Variants in SNAP47 observed in about 807,000 individuals in gnomAD.
The protein encoded by SNAP47 is synaptosomal-associated protein 47.
SNAP47 carries 20 observed loss-of-function variants against 31.4 expected under a neutral mutation model. The ratio of observed to expected loss-of-function variants is 0.64; its 90% CI spans 0.45 to 0.93. SNAP47 has a LOEUF of 0.93. Among genes scored for constraint, SNAP47 ranks in the 40% least tolerant of loss-of-function variants. SNAP47 has a pLI of 0.00. For missense variants in SNAP47, 492 were observed against 528.5 expected, an observed-to-expected ratio of 0.93 and a Z score of 0.68; for synonymous variants, 194 against 213.4, an observed-to-expected ratio of 0.91 and a Z score of 0.79.
At chr1:227,735,956 C>T (rs1490452221) in intron 1 of SNAP47, among the ~76,000 whole-genome samples, 1 of 131,548 alleles carries the variant, frequency 7.6e-6, no homozygotes, top group Middle Eastern at 4.4e-3. Flanking sequence ...CTGGAGAGGA[C>T]GGTGGGGACC....
intron 4 of SNAP47, among the ~76,000 whole-genome samples, chr1:227,775,478 C>T (rs758539799): frequency 1.1e-4 from 17 of 152,266 alleles, no homozygotes; most frequent in Middle Eastern, 3.4e-3. Flanking sequence ...TCCGGCGTCG[C>T]GAGGCGAGCC....
intron 4 of SNAP47, among the ~76,000 whole-genome samples, chr1:227,767,345 A>G (rs1214483006): frequency 1.3e-5 from 2 of 152,138 alleles, no homozygotes; most frequent in Non-Finnish European, 2.9e-5. Context: ...CCTGGCTACC[A>G]CCTGCACCCA....
chr1:227,741,102 A>G lies in SNAP47; in HGVS notation c.-46+5603A>G, dbSNP rs1441093850. Among the ~76,000 whole-genome samples the G allele has an allele frequency of 6.6e-6, 1 of 151,286 alleles. No homozygotes were observed. Among genetic ancestry groups the G allele is most frequent in the Admixed American group, 6.6e-5 (1 of 15,200 alleles). The stretch of plus-strand genomic sequence containing the variant: ...TGATAGGGGAGGAGCTGATGGAAGG[A>G]ATGTGAAGTTCAAGTGCCTGTTAGG... On this transcript the variant is annotated intron_variant, in intron 1 of 4. Coordinates refer to ENST00000617596, the MANE Select transcript of SNAP47 (RefSeq NM_053052.4). This position sits in a 1 kb window ranked among gnomAD's most constrained non-coding sequence, Gnocchi z 4.2.
At chr1:227,732,461 C>T (rs137911301), upstream of SNAP47, 32 of 1,613,182 alleles carry the variant, frequency 2.0e-5, no homozygotes, top group African/African-American at 1.2e-4. Context: ...GTGGTGAGAA[C>T]GCGCTGGTGT....
At chr1:227,750,351 G>T (rs879477317) in intron 2 of SNAP47, among the ~76,000 whole-genome samples, 3 of 152,260 alleles carry the variant, frequency 2.0e-5, no homozygotes, top group African/African-American at 2.4e-5. Flanking sequence ...CAGGTTGCAC[G>T]GGGCCTGCCC....
chr1:227,733,820 A>T, upstream of SNAP47: 41 of 1,591,446 alleles, frequency 2.6e-5, no homozygotes, highest in Non-Finnish European at 3.5e-5. Context: ...GCCTGTGCCA[A>T]GCAGCCCCCC....
intron 4 of SNAP47, chr1:227,768,244 T>C: frequency 1.0e-6 from 1 of 984,538 alleles, no homozygotes; most frequent in Non-Finnish European, 1.2e-6. Flanking sequence ...CGTCTTCCCC[T>C]ACAGTTGATT....
At chr1:227,757,599 C>G (rs1662775688) in intron 2 of SNAP47, among the ~76,000 whole-genome samples, 1 of 152,110 alleles carries the variant, frequency 6.6e-6, no homozygotes, top group Admixed American at 6.5e-5. Flanking sequence ...TAATGTCTTC[C>G]CATTGATGTA....
At chr1:227,765,019 G>A (rs900263547) in intron 3 of SNAP47, among the ~76,000 whole-genome samples, 1 of 152,154 alleles carries the variant, frequency 6.6e-6, no homozygotes. Context: ...GACCAACCTA[G>A]GTGACATGCT....
rs374100600 is a variant in SNAP47 at position 227,759,705 on chromosome 1, C to A, written c.988+220C>A. 352 of 608,828 alleles carry A rather than the reference C, an allele frequency of 5.8e-4. 8 individuals carry two copies. In the South Asian group the frequency reaches 7.0e-3, roughly 12 times the overall value. The allele number at this position is 608,828 out of a possible 1,614,324, so 37.7% of individuals were successfully genotyped here. ...CTGAAATCACTGAGAGTTAACTGTACACTTGATAGGTGCGTGAATTCCAAA... is the reference window on the plus strand; with the variant it reads ...CTGAAATCACTGAGAGTTAACTGTAAACTTGATAGGTGCGTGAATTCCAAA... On this transcript the variant is annotated intron_variant, in intron 3 of 4. Coordinates refer to ENST00000617596, the MANE Select transcript of SNAP47 (RefSeq NM_053052.4).
At chr1:227,748,681 C>T (rs905293952) in intron 2 of SNAP47, among the ~76,000 whole-genome samples, 28 of 152,180 alleles carry the variant, frequency 1.8e-4, no homozygotes, top group Non-Finnish European at 2.9e-5. Context: ...TGAGGTGTCT[C>T]CTGTCAGCAT....
At position 227,741,480 on chromosome 1, in the gene SNAP47, A is replaced by G. The variant is rs1042647099; in HGVS notation, c.-46+5981A>G. Among the ~76,000 whole-genome samples the G allele has an allele frequency of 6.6e-6, 1 of 152,100 alleles. No individual in the cohort carries two copies. Among genetic ancestry groups the G allele is most frequent in the Non-Finnish European group, 1.5e-5 (1 of 68,014 alleles). On this transcript the variant is annotated intron_variant, in intron 1 of 4. Coordinates refer to ENST00000617596, the MANE Select transcript of SNAP47 (RefSeq NM_053052.4). The surrounding 1 kb of genome is among the most constrained non-coding windows in gnomAD (Gnocchi z 4.2). Reference sequence around the variant, plus strand: ...TAAGTGAGGTCCTGTGGGGTGGCACACCCCATGTTGATGTCTTGTGTGTGG... The same window carrying G: ...TAAGTGAGGTCCTGTGGGGTGGCACGCCCCATGTTGATGTCTTGTGTGTGG...
intron 3 of SNAP47, among the ~76,000 whole-genome samples, chr1:227,761,008 C>CGCAT (rs2102957732): frequency 1.3e-5 from 2 of 152,316 alleles, no homozygotes; most frequent in South Asian, 4.1e-4. Context: ...ATAGCTAATA[C>CGCAT]GCATGCATGT....
intron 4 of SNAP47, chr1:227,776,102 A>G: frequency 1.7e-6 from 2 of 1,174,836 alleles, no homozygotes; most frequent in Non-Finnish European, 2.1e-6. Context: ...TGCCTGAGTC[A>G]CCCAGGGCTG....
At chr1:227,742,952 G>A (rs1661710323) in intron 1 of SNAP47, among the ~76,000 whole-genome samples, 1 of 152,322 alleles carries the variant, frequency 6.6e-6, no homozygotes, top group South Asian at 2.1e-4. Flanking sequence ...GTGGCCTGCC[G>A]ACCCTCGCCA....
upstream of SNAP47, chr1:227,734,975 T>A (rs745519923): frequency 4.0e-6 from 6 of 1,506,208 alleles, no homozygotes; most frequent in Non-Finnish European, 5.3e-6. Context: ...CCCGCCGGCC[T>A]TTCCTCCCCG....
Position 227,736,736 on chromosome 1 carries a change from G to A in SNAP47, c.-46+1237G>A, listed in dbSNP as rs1362330568. Among the ~76,000 whole-genome samples, 7 of 143,316 alleles carry A rather than the reference G, an allele frequency of 4.9e-5. No homozygotes were observed. In the South Asian group the frequency reaches 9.0e-4, roughly 18 times the overall value. The allele number at this position is 143,316 out of a possible 152,430, so 94.0% of individuals were successfully genotyped here. A position where few individuals can be genotyped will look rare whatever the true frequency, so the allele number is the denominator to read the frequency against. On this transcript the variant is annotated intron_variant, in intron 1 of 4. Coordinates refer to ENST00000617596, the MANE Select transcript of SNAP47 (RefSeq NM_053052.4). ...ACAGGGTCTCTGTGTTGCCCAAGCCGGTGTTGAACGTTTGGGCTCAAGCAA... is the reference window on the plus strand; with the variant it reads ...ACAGGGTCTCTGTGTTGCCCAAGCCAGTGTTGAACGTTTGGGCTCAAGCAA...
intron 4 of SNAP47, among the ~76,000 whole-genome samples, chr1:227,774,239 T>C (rs1664021232): frequency 6.6e-6 from 1 of 152,226 alleles, no homozygotes; most frequent in African/African-American, 2.4e-5. Flanking sequence ...CCTGTTTCTG[T>C]ATGGATCCTC....
intron 1 of SNAP47, among the ~76,000 whole-genome samples, chr1:227,740,297 G>A (rs1024297432): frequency 6.6e-6 from 1 of 152,192 alleles, no homozygotes; most frequent in South Asian, 2.1e-4. Flanking sequence ...ATGAGGCTGC[G>A]GTAAGGAACT....
Sources: gnomAD v4.1 joint callset for allele counts (sites outside exome capture counted in the v4.1 genomes callset) on GRCh38, gnomAD v4.1.1 for gene constraint, Gnocchi (gnomAD v3.1) non-coding constraint, MANE v1.5 for transcripts, NCBI Gene and HGNC (gene_info 2026-07-23, HGNC 2026-07-21) for gene names.